The following MALRD1 variants were observed in gnomAD, a reference collection of about 807,000 sequenced individuals.
MALRD1 encodes the protein MAM and LDL receptor class A domain containing 1, also known as MAM and LDL-receptor class A domain-containing protein 1.
MALRD1 carries 247 observed loss-of-function variants against 242.1 expected under a neutral mutation model. The ratio of observed to expected loss-of-function variants is 1.02; its 90% confidence interval spans 0.92 to 1.13. The LOEUF is 1.13. Among genes scored for constraint, MALRD1 ranks in the 50% most tolerant of loss-of-function variants. MALRD1 has a pLI of 0.00. For synonymous variants in MALRD1, 995 were observed against 866.6 expected (o/e 1.15, Z -2.60); for missense variants, 2,989 against 2,533.1 (o/e 1.18, Z -3.86).
intron 15 of MALRD1, 28 bp from the exon 16 acceptor site, chr10:19,204,280 C>CGT (rs747586481): frequency 1.7e-5 from 17 of 1,008,134 alleles, no homozygotes; most frequent in Non-Finnish European, 2.4e-5. Context: ...GTTAATGAAG[C>CGT]GTTTTTTTTT....
intron 14 of MALRD1, among the ~76,000 whole-genome samples, chr10:19,185,057 A>G (rs1483625738): frequency 6.6e-6 from 1 of 152,246 alleles, no homozygotes; most frequent in Non-Finnish European, 1.5e-5. Context: ...CCTCAAGACT[A>G]AAATAAATAA....
In MALRD1 at chr10:19,719,186, A is replaced by G. The variant is rs553762556; in HGVS notation, c.6315-11520A>G. On this transcript the variant is annotated intron_variant, in intron 38 of 39. Coordinates refer to ENST00000454679, the MANE Select transcript of MALRD1 (RefSeq NM_001142308.3). ...TATATATATACATACATATATATAT[A>G]TATACATACATATATATATATATAT... Among the ~76,000 whole-genome samples the G allele has an allele frequency of 8.7e-5, 8 of 92,450 alleles. No homozygotes were observed. In the East Asian group the frequency reaches 2.5e-3, roughly 28 times the overall value. 60.7% of individuals were successfully genotyped at this position (92,450 alleles called of 152,430 possible). A position where few individuals can be genotyped will look rare whatever the true frequency, so the allele number is the denominator to read the frequency against.
intron 12 of MALRD1, 121 bp from the exon 13 acceptor site, chr10:19,165,515 CA>C: frequency 4.3e-6 from 3 of 690,390 alleles, no homozygotes; most frequent in Non-Finnish European, 6.0e-6. Flanking sequence ...CCTGTAATCC[CA>C]GCACTTTGGG....
chr10:19,507,298 T>C (rs945338164), intron 31 of MALRD1, among the ~76,000 whole-genome samples: 2 of 152,136 alleles, frequency 1.3e-5, no homozygotes, highest in Non-Finnish European at 2.9e-5. Flanking sequence ...AGCTGGGTTT[T>C]GGGTAGGTAG....
chr10:19,636,054 C>T (rs1351005710), intron 36 of MALRD1, among the ~76,000 whole-genome samples: 1 of 152,072 alleles, frequency 6.6e-6, no homozygotes, highest in Non-Finnish European at 1.5e-5. Flanking sequence ...ACACGCACCA[C>T]CACGCCTGGC....
chr10:19,307,627 CA>C (rs1842268805), intron 21 of MALRD1, among the ~76,000 whole-genome samples: 1 of 151,270 alleles, frequency 6.6e-6, no homozygotes, highest in Non-Finnish European at 1.5e-5. Context: ...CTCTTTGAGG[CA>C]AATTGGTAGT....
chr10:19,377,240 G>T (rs947158632), intron 26 of MALRD1, among the ~76,000 whole-genome samples: 2 of 152,106 alleles, frequency 1.3e-5, no homozygotes, highest in Admixed American at 1.3e-4. Flanking sequence ...AAAATGAAAA[G>T]ATGGGTTGTT....
At chr10:19,143,845 A>G (rs7081937) in intron 10 of MALRD1, among the ~76,000 whole-genome samples, 54,713 of 152,070 alleles carry the variant, frequency 0.36, 10,075 homozygotes, top group Admixed American at 0.41. Flanking sequence ...GCTCACAGAG[A>G]ACCGAGGGAT....
intron 12 of MALRD1, among the ~76,000 whole-genome samples, chr10:19,162,577 T>A (rs1834479518): frequency 6.6e-6 from 1 of 152,134 alleles, no homozygotes; most frequent in Non-Finnish European, 1.5e-5. Flanking sequence ...AACTTAAAAT[T>A]GATCATTAGA....
chr10:19,155,731 A>G (rs1029318702), intron 12 of MALRD1, among the ~76,000 whole-genome samples: 29 of 152,158 alleles, frequency 1.9e-4, no homozygotes, highest in African/African-American at 6.0e-4. Flanking sequence ...CGCAGTGTCT[A>G]CACCAGAAAC....
chr10:19,670,633 G>A (rs982845254), intron 36 of MALRD1, among the ~76,000 whole-genome samples: 2 of 152,100 alleles, frequency 1.3e-5, no homozygotes, highest in African/African-American at 4.8e-5. Flanking sequence ...TGACCACACT[G>A]CTGTTTCCAA....
chr10:19,190,210 C>T (rs916453434), intron 14 of MALRD1, among the ~76,000 whole-genome samples: 2 of 151,584 alleles, frequency 1.3e-5, no homozygotes, highest in African/African-American at 4.8e-5. Flanking sequence ...CTTGCAATAA[C>T]AGAAAAAAGA....
chr10:19,123,664 A>T (rs887972028), intron 6 of MALRD1, 71 bp downstream of exon 6: 2 of 864,416 alleles, frequency 2.3e-6, no homozygotes, highest in Admixed American at 8.6e-5. Flanking sequence ...CACTCACAGG[A>T]AAGTGCACGC....
chr10:19,723,307 A>T (rs571744252), intron 38 of MALRD1, among the ~76,000 whole-genome samples: 1 of 152,204 alleles, frequency 6.6e-6, no homozygotes, highest in Non-Finnish European at 1.5e-5. Flanking sequence ...AGACAGTATG[A>T]TTCTTCATAC....
intron 36 of MALRD1, among the ~76,000 whole-genome samples, chr10:19,669,115 T>G (rs1841805330): frequency 6.6e-6 from 1 of 152,236 alleles, no homozygotes; most frequent in African/African-American, 2.4e-5. Flanking sequence ...AGCTGGAAGA[T>G]ACTGGAGTGA....
At chr10:19,329,497 CA>C (rs1843273248) in intron 23 of MALRD1, among the ~76,000 whole-genome samples, 1 of 151,770 alleles carries the variant, frequency 6.6e-6, no homozygotes, top group South Asian at 2.1e-4. Context: ...CTGAGTGCTA[CA>C]TACTATTTAT....
intron 21 of MALRD1, among the ~76,000 whole-genome samples, chr10:19,299,528 A>T (rs1354687453): frequency 6.6e-6 from 1 of 151,952 alleles, no homozygotes; most frequent in African/African-American, 2.4e-5. Context: ...TCATAAAACA[A>T]ATTCTTAGAG....
intron 21 of MALRD1, among the ~76,000 whole-genome samples, chr10:19,311,383 A>G (rs1464646975): frequency 6.6e-6 from 1 of 151,484 alleles, no homozygotes; most frequent in Non-Finnish European, 1.5e-5. Context: ...ATCTACTTTA[A>G]AGTAAATATC....
intron 38 of MALRD1, chr10:19,710,619 C>G (rs545493063): frequency 6.6e-6 from 1 of 152,292 alleles, no homozygotes; most frequent in South Asian, 2.1e-4. Context: ...TCCAAGCAAC[C>G]TATAGAACAA....
Sources: allele counts gnomAD v4.1 joint callset (sites outside exome capture counted in the v4.1 genomes callset), GRCh38; gene constraint gnomAD v4.1.1; transcripts MANE v1.5; gene names NCBI Gene and HGNC (gene_info 2026-07-23, HGNC 2026-07-21).